RARB: variants seen among roughly 807,000 people sequenced by gnomAD.
RARB encodes retinoic acid receptor beta, also known as HBV-activated protein.
A neutral mutation model predicts 51.9 loss-of-function variants in RARB; 17 were observed. That is an observed-to-expected ratio of 0.33 (90% CI 0.22 to 0.49). The LOEUF (loss-of-function observed/expected upper bound fraction) is 0.49. Among genes scored for constraint, RARB ranks in the 20% least tolerant of loss-of-function variants. The pLI is 0.99. For synonymous variants in RARB, 215 were observed against 195.4 expected, an observed-to-expected ratio of 1.10 and a Z score of -0.84; for missense variants, 369 against 550.8, an observed-to-expected ratio of 0.67 and a Z score of 3.30.
rs572961353 is a variant in RARB, at chr3:25,585,722, G to C, written c.786+5000G>C. Among the ~76,000 whole-genome samples, 10 of 152,294 alleles carry C rather than the reference G, an allele frequency of 6.6e-5. No individual in the cohort carries two copies. In the South Asian group the frequency reaches 2.1e-3, roughly 32 times the overall value. On this transcript the variant is annotated intron_variant, in intron 5 of 7. Coordinates refer to ENST00000330688, the MANE Select transcript of RARB (RefSeq NM_000965.5). ...GCTCATGCCATCTTGCCTCTGCCGG[G>C]GTTGCCCTTGTAAAAGAGCCACTGC...
At chr3:25,088,474 T>C (rs1699140643) in intron 3 of RARB, among the ~76,000 whole-genome samples, 1 of 152,152 alleles carries the variant, frequency 6.6e-6, no homozygotes, top group African/African-American at 2.4e-5. Context: ...AGGGGGACTA[T>C]AGCCCTTGCT....
intron 2 of RARB, among the ~76,000 whole-genome samples, chr3:24,876,696 C>A (rs1033984282): frequency 1.3e-5 from 2 of 152,068 alleles, no homozygotes; most frequent in Admixed American, 6.6e-5. Flanking sequence ...TCTTCAAGGA[C>A]CCACAATATA....
intron 2 of RARB, among the ~76,000 whole-genome samples, chr3:25,058,829 C>T (rs1001554148): frequency 2.0e-5 from 3 of 150,708 alleles, no homozygotes; most frequent in African/African-American, 7.3e-5. Flanking sequence ...TTGACAGGTC[C>T]CTATGAGTGA....
intron 4 of RARB, among the ~76,000 whole-genome samples, chr3:25,575,817 C>A (rs1052837987): frequency 6.6e-6 from 1 of 152,184 alleles, no homozygotes; most frequent in African/African-American, 2.4e-5. Context: ...AGGATTTCAA[C>A]ACATCTTTTT....
intron 2 of RARB, among the ~76,000 whole-genome samples, 171 bp from the exon 3 acceptor site, chr3:25,501,011 A>T (rs980400051): frequency 6.6e-6 from 1 of 152,186 alleles, no homozygotes; most frequent in Non-Finnish European, 1.5e-5. Context: ...GCAACAAAGG[A>T]AGAAACTATT....
intron 3 of RARB, among the ~76,000 whole-genome samples, chr3:25,084,256 C>T (rs943378809): frequency 6.6e-6 from 1 of 152,164 alleles, no homozygotes; most frequent in Non-Finnish European, 1.5e-5. Context: ...GGAATGCCTT[C>T]CCCAGCAGAA....
chr3:25,341,016 C>G (rs1351912462), intron 5 of RARB, among the ~76,000 whole-genome samples: 1 of 152,136 alleles, frequency 6.6e-6, no homozygotes, highest in African/African-American at 2.4e-5. Flanking sequence ...GCTAAATAGG[C>G]GTTGTCTTTG....
At chr3:24,861,181 A>G (rs1702742028) in intron 2 of RARB, among the ~76,000 whole-genome samples, 1 of 151,748 alleles carries the variant, frequency 6.6e-6, no homozygotes, top group Non-Finnish European at 1.5e-5. Flanking sequence ...TATTCCCTAA[A>G]TAGTATAGTA....
At chr3:25,141,309 A>G (rs1700103316) in intron 4 of RARB, among the ~76,000 whole-genome samples, 1 of 151,950 alleles carries the variant, frequency 6.6e-6, no homozygotes, top group African/African-American at 2.4e-5. Flanking sequence ...AATATACTAG[A>G]TGAATAAGGA....
At chr3:24,949,649 A>G (rs1695848145) in intron 2 of RARB, among the ~76,000 whole-genome samples, 1 of 152,328 alleles carries the variant, frequency 6.6e-6, no homozygotes, top group African/African-American at 2.4e-5. Context: ...TTTTGAGGTG[A>G]GAATATTACT....
chr3:25,130,810 A>G (rs1272578937), intron 3 of RARB, among the ~76,000 whole-genome samples: 3 of 151,664 alleles, frequency 2.0e-5, no homozygotes, highest in East Asian at 1.9e-4. Flanking sequence ...TGATCTGGAA[A>G]TTTTGAATTA....
intron 4 of RARB, among the ~76,000 whole-genome samples, chr3:25,151,202 G>A (rs1700281463): frequency 6.6e-6 from 1 of 152,202 alleles, no homozygotes; most frequent in South Asian, 2.1e-4. Flanking sequence ...GCATTTGGAG[G>A]GGGAAAGATG....
chr3:25,161,901 A>C (rs1030597385), intron 4 of RARB, among the ~76,000 whole-genome samples: 2 of 152,152 alleles, frequency 1.3e-5, no homozygotes, highest in African/African-American at 2.4e-5. Flanking sequence ...AGAGCCTTCC[A>C]GGGAAAGAGG....
chr3:25,005,345 G>A (rs187402233), intron 2 of RARB, among the ~76,000 whole-genome samples: 1 of 152,146 alleles, frequency 6.6e-6, no homozygotes, highest in Non-Finnish European at 1.5e-5. Flanking sequence ...GAGTAGCTGA[G>A]CTAGTGGCTC....
chr3:25,178,836 G>T (rs1371583730), intron 5 of RARB, among the ~76,000 whole-genome samples: 2 of 152,164 alleles, frequency 1.3e-5, no homozygotes, highest in Non-Finnish European at 2.9e-5. Context: ...ATATTATGTG[G>T]TAGGGCTCTC....
At chr3:24,987,112 T>C (rs1696810870) in intron 2 of RARB, among the ~76,000 whole-genome samples, 1 of 152,228 alleles carries the variant, frequency 6.6e-6, no homozygotes, top group Non-Finnish European at 1.5e-5. Flanking sequence ...AGGAAGTTAC[T>C]TGTCTAAATC....
At chr3:25,418,266 A>T (rs1291962471) in intron 5 of RARB, among the ~76,000 whole-genome samples, 1 of 152,222 alleles carries the variant, frequency 6.6e-6, no homozygotes, top group Non-Finnish European at 1.5e-5. Flanking sequence ...ACAGAGTAGT[A>T]GAAAGAGGTA....
At chr3:25,011,814 A>G (rs1461354323) in intron 2 of RARB, among the ~76,000 whole-genome samples, 1 of 152,116 alleles carries the variant, frequency 6.6e-6, no homozygotes, top group Non-Finnish European at 1.5e-5. Context: ...TGGTGTATCT[A>G]AGGCAAAGTA....
intron 5 of RARB, among the ~76,000 whole-genome samples, chr3:25,245,770 C>T (rs984571972): frequency 3.3e-5 from 5 of 152,016 alleles, no homozygotes; most frequent in East Asian, 1.9e-4. Context: ...GTGAATCTGA[C>T]GATGATGTGT....
Sources: allele counts gnomAD v4.1 joint callset (sites outside exome capture counted in the v4.1 genomes callset), GRCh38; gene constraint gnomAD v4.1.1; transcripts MANE v1.5; gene names NCBI Gene and HGNC (gene_info 2026-07-23, HGNC 2026-07-21).